TNKS1BP1: variants seen among roughly 807,000 people sequenced by gnomAD.
TNKS1BP1 encodes the protein 182 kDa tankyrase-1-binding protein.
TNKS1BP1 carries 48 observed loss-of-function variants against 141.1 expected under a neutral mutation model. That is an observed-to-expected ratio of 0.34 (90% CI 0.27 to 0.43). The LOEUF (loss-of-function observed/expected upper bound fraction) is 0.43, where lower values mean the gene tolerates loss of function less well. TNKS1BP1 is among the 20% of genes least tolerant of loss of function. The probability of loss-of-function intolerance (pLI) is 1.00; values close to 1 mark genes in which losing one functional copy is unlikely to be tolerated. For synonymous variants in TNKS1BP1, 875 were observed against 898.2 expected (o/e 0.97, Z 0.46); for missense variants, 2,149 against 2,226.0 (o/e 0.97, Z 0.70).
Position 57,313,232 on chromosome 11 carries a change from C to T in TNKS1BP1, c.1456G>A (p.Gly486Ser), listed in dbSNP as rs148796768. The T allele has an allele frequency of 4.0e-5, 64 of 1,612,730 alleles. No individual in the cohort carries two copies. Among genetic ancestry groups the T allele is most frequent in the Non-Finnish European group, 5.1e-5 (60 of 1,180,004 alleles). ...FEWTFPTRPS[G>S]LGVWRLDSPP... is the part of the protein sequence containing the mutation. Reference sequence around the variant, plus strand: ...GAGTCCAGCCGCCACACGCCCAGACCCGAGGGCCTCGTGGGGAAGGTCCAT... The same window carrying T: ...GAGTCCAGCCGCCACACGCCCAGACTCGAGGGCCTCGTGGGGAAGGTCCAT... Residue 486 changes from glycine to serine, a missense_variant, in exon 5 of 12, where the codon GGT becomes AGT. Transcript: ENST00000358252.
In TNKS1BP1 at chr11:57,302,863, G is replaced by T; in HGVS notation, c.4317-38C>A. 6.7e-7 allele frequency: 1 copy of T among 1,481,484 alleles called. No homozygotes were observed. The highest frequency in any genetic ancestry group is 8.9e-7 in the Non-Finnish European group (1 of 1,119,132). 91.8% of individuals were successfully genotyped at this position (1,481,484 alleles called of 1,614,324 possible). On this transcript the variant is annotated intron_variant, in intron 6 of 11. Coordinates refer to ENST00000358252, the MANE Select transcript of TNKS1BP1 (RefSeq NM_033396.3). This position sits in a 1 kb window ranked among gnomAD's most constrained non-coding sequence, Gnocchi z 5.5. ...CAGAGAGAGAACGAGATCATCGTAA[G>T]GCCCCATCTCCCTGCCCTGAAGCCT...
intron 6 of TNKS1BP1, among the ~76,000 whole-genome samples, chr11:57,308,058 G>T (rs1038698119): frequency 6.6e-6 from 1 of 152,166 alleles, no homozygotes; most frequent in South Asian, 2.1e-4. Flanking sequence ...CCTGGGGAAC[G>T]GCTACTGTGT....
rs1855547291 is a variant in TNKS1BP1 at position 57,302,759 on chromosome 11, T to G, written c.4383A>C (p.Ala1461=). The G allele has an allele frequency of 1.3e-6, 2 of 1,572,864 alleles. No individual in the cohort carries two copies. The highest frequency in any genetic ancestry group is 1.7e-6 in the Non-Finnish European group (2 of 1,163,768). ...GSQGLLEEML[A]ASSSKAVARR... The stretch of plus-strand genomic sequence containing the variant: ...GAGCCACCGCCTTGGAGCTGCTGGC[T>G]GCCAGCATCTCCTCCAGCAGGCCCT... Residue 1461 remains alanine, a synonymous_variant, in exon 7 of 12, where the codon GCA becomes GCC. Transcript: ENST00000358252. The surrounding 1 kb of genome is among the most constrained non-coding windows in gnomAD (Gnocchi z 5.5).
chr11:57,313,155 C>T lies in TNKS1BP1; in HGVS notation c.1533G>A (p.Glu511=), dbSNP rs773367440. ...TEASEAAEAA[E]AGNLAVSSRE... ...TGCTGGAAACGGCCAAGTTGCCAGC[C>T]TCAGCAGCCTCGGCGGCCTCACTGG... Residue 511 remains glutamate, a synonymous_variant, in exon 5 of 12, where the codon GAG becomes GAA. Transcript: ENST00000358252. The T allele has an allele frequency of 1.2e-6, 2 of 1,612,922 alleles. No individual in the cohort carries two copies. Among genetic ancestry groups the T allele is most frequent in the East Asian group, 2.2e-5 (1 of 44,872 alleles).
chr11:57,320,712 C>G lies in TNKS1BP1; in HGVS notation c.95G>C (p.Gly32Ala). The G allele has an allele frequency of 6.4e-7, 1 of 1,569,870 alleles. No homozygotes were observed. The change falls in exon 3 of 12, where the codon GGT becomes GCT. Residue 32 changes from glycine to alanine, a missense_variant and splice_region_variant. Physicochemically the swap from Gly to Ala is moderately conservative, Grantham distance 60. Coordinates refer to ENST00000358252, the MANE Select transcript of TNKS1BP1 (RefSeq NM_033396.3). ...GACAGGGGGTTTGGCCCGAGTGTCA[C>G]CTACCAAAAGGAAAGGGTTGGTGGG... ...EELVPTGSEP[G>A]DTRAKPPVKP... is the part of the protein sequence containing the mutation.
In TNKS1BP1 at chr11:57,308,723, C is replaced by T. The variant is rs752181492; in HGVS notation, c.3988G>A (p.Gly1330Ser). The T allele has an allele frequency of 1.9e-5, 31 of 1,613,586 alleles. No individual in the cohort carries two copies. In the Admixed American group the frequency reaches 4.8e-4, roughly 25 times the overall value. Residue 1330 changes from glycine to serine, a missense_variant, in exon 6 of 12, where the codon GGT becomes AGT. Coordinates refer to ENST00000358252, the MANE Select transcript of TNKS1BP1 (RefSeq NM_033396.3). ...LEVTCDPDSG[G>S]SQGLRGCGVG... Reference sequence around the variant, plus strand: ...CCACATCCCCGTAGCCCCTGAGAACCTCCAGAGTCTGGGTCACAGGTCACC... The same window carrying T: ...CCACATCCCCGTAGCCCCTGAGAACTTCCAGAGTCTGGGTCACAGGTCACC...
chr11:57,310,215 G>GC lies in TNKS1BP1; in HGVS notation c.2495dup (p.Thr833HisfsTer46). ...CATCTGCCTCCTGGCTCCGCTGAGT[G>GC]CCAAGCTGGGCTGGCTTTCCAACTA... On this transcript the variant is annotated frameshift_variant, in exon 6 of 12. Coordinates refer to ENST00000358252, the MANE Select transcript of TNKS1BP1 (RefSeq NM_033396.3). LOFTEE classifies it high-confidence loss of function. 2 of 1,614,188 alleles carry GC rather than the reference G, an allele frequency of 1.2e-6. No individual in the cohort carries two copies.
chr11:57,322,619 G>A (rs1855905574), intron 1 of TNKS1BP1, among the ~76,000 whole-genome samples: 1 of 152,220 alleles, frequency 6.6e-6, no homozygotes, highest in South Asian at 2.1e-4. Context: ...CTTGGAATTT[G>A]ATGAGGTAAA....
At position 57,302,307 on chromosome 11, in the gene TNKS1BP1, C is replaced by G; in HGVS notation, c.4684-83G>C. ...CAACAGTAGCTGACCAGGAGCTGGA[C>G]CCCTCCTGCAGCCGGAGCTTCACGT... On this transcript the variant is annotated intron_variant, in intron 7 of 11. Transcript: ENST00000358252. This position sits in a 1 kb window ranked among gnomAD's most constrained non-coding sequence, Gnocchi z 5.5. The G allele has an allele frequency of 6.5e-7, 1 of 1,548,736 alleles. No individual in the cohort carries two copies. The highest frequency in any genetic ancestry group is 8.7e-7 in the Non-Finnish European group (1 of 1,145,368).
chr11:57,300,567 G>T lies in TNKS1BP1; in HGVS notation c.5163C>A (p.Ala1721=), dbSNP rs372868746. Residue 1721 remains alanine, a synonymous_variant, in exon 11 of 12, where the codon GCC becomes GCA. Coordinates refer to ENST00000358252, the MANE Select transcript of TNKS1BP1 (RefSeq NM_033396.3). ...SEGSSPNWLQ[A]LKLKKKKV ...AGACCTTCTTCTTCTTCAGTTTCAG[G>T]GCTTGAAGCCAGTTGGGCGACGATC... The T allele has an allele frequency of 3.0e-5, 48 of 1,614,096 alleles. No individual in the cohort carries two copies. Among genetic ancestry groups the T allele is most frequent in the Non-Finnish European group, 3.8e-5 (45 of 1,180,044 alleles).
Position 57,302,291 on chromosome 11 carries a change from C to G in TNKS1BP1, c.4684-67G>C. On this transcript the variant is annotated intron_variant, in intron 7 of 11. Transcript: ENST00000358252. This position sits in a 1 kb window ranked among gnomAD's most constrained non-coding sequence, Gnocchi z 5.5. ...TCCCACGGGAGCCCCTCAACAGTAG[C>G]TGACCAGGAGCTGGACCCCTCCTGC... 5 of 1,563,368 alleles carry G rather than the reference C, an allele frequency of 3.2e-6. No individual in the cohort carries two copies. Among genetic ancestry groups the G allele is most frequent in the East Asian group, 2.3e-5 (1 of 43,048 alleles).
chr11:57,322,059 G>A, intron 1 of TNKS1BP1, 109 bp from the exon 2 acceptor site: 1 of 451,954 alleles, frequency 2.2e-6, no homozygotes, highest in East Asian at 1.0e-4. Flanking sequence ...GACAGGAAGA[G>A]AGAACTTGGA....
At chr11:57,324,555 C>T (rs1344784195) in intron 1 of TNKS1BP1, among the ~76,000 whole-genome samples, 73 of 143,212 alleles carry the variant, frequency 5.1e-4, no homozygotes, top group Non-Finnish European at 8.5e-4. Flanking sequence ...GCTCTGCCCG[C>T]CCCCGGCCCC....
At chr11:57,319,911 T>C (rs1311873253) in intron 3 of TNKS1BP1, among the ~76,000 whole-genome samples, 168 bp downstream of exon 3, 2 of 152,138 alleles carry the variant, frequency 1.3e-5, no homozygotes, top group East Asian at 3.8e-4. Context: ...TGCTGGGGAA[T>C]GATTTGTGAC....
rs1443128847 is a variant in TNKS1BP1 at position 57,320,170 on chromosome 11, C to T, written c.637G>A (p.Gly213Ser). ...GTTTAPRDED[G>S]STLFRGWSQE... ...GACCATCCCCTGAAGAGGGTGCTGCCATCCTCATCCCTGGGAGCAGTGGTC... is the reference window on the plus strand; with the variant it reads ...GACCATCCCCTGAAGAGGGTGCTGCTATCCTCATCCCTGGGAGCAGTGGTC... Residue 213 changes from glycine to serine, a missense_variant, in exon 3 of 12, where the codon GGC becomes AGC. Gly to Ser is a moderately conservative substitution (Grantham distance 56, BLOSUM62 0). Coordinates refer to ENST00000358252, the MANE Select transcript of TNKS1BP1 (RefSeq NM_033396.3). 3 of 1,614,226 alleles carry T rather than the reference C, an allele frequency of 1.9e-6. No individual in the cohort carries two copies. The highest frequency in any genetic ancestry group is 2.5e-6 in the Non-Finnish European group (3 of 1,180,044).
chr11:57,324,709 C>G (rs1855940589), intron 1 of TNKS1BP1, 131 bp downstream of exon 1: 1 of 912,562 alleles, frequency 1.1e-6, no homozygotes, highest in Non-Finnish European at 1.3e-6. Context: ...GCAAACTTTC[C>G]TGGTGACCCC....
chr11:57,321,838 C>G lies in TNKS1BP1; in HGVS notation c.48G>C (p.Leu16=). The change falls in exon 2 of 12, where the codon CTG becomes CTC. Residue 16 remains leucine (L), a synonymous_variant. Transcript: ENST00000358252. ...CCAGCTCCTCCTCCATCTCCCGGGGCAGTGGGGAAGCCATGGCTGAGCTTT... is the reference window on the plus strand; with the variant it reads ...CCAGCTCCTCCTCCATCTCCCGGGGGAGTGGGGAAGCCATGGCTGAGCTTT... The part of the protein sequence containing the change: ...LRESSAMASP[L]PREMEEELVP... 6.2e-7 allele frequency: 1 copy of G among 1,614,118 alleles called. No homozygotes were observed. Among genetic ancestry groups the G allele is most frequent in the South Asian group, 1.1e-5 (1 of 91,068 alleles).
intron 2 of TNKS1BP1, among the ~76,000 whole-genome samples, chr11:57,321,150 A>AT (rs1855879803): frequency 6.6e-6 from 1 of 152,046 alleles, no homozygotes; most frequent in East Asian, 1.9e-4. Context: ...TCTATCATCC[A>AT]TAGTAAACTT....
rs780777398 is a variant in TNKS1BP1 at position 57,308,569 on chromosome 11, T to C, written c.4142A>G (p.Asn1381Ser). The change falls in exon 6 of 12, where the codon AAT becomes AGT. Residue 1381 changes from asparagine (N) to serine (S), a missense_variant. Physicochemically the swap from Asn to Ser is conservative, Grantham distance 46. Transcript: ENST00000358252. ...SQCPEPGLRH[N>S]GSLSPGLEAR... The stretch of plus-strand genomic sequence containing the variant: ...CTCCAGGCCAGGAGACAAGCTGCCA[T>C]TGTGCCTCAGGCCGGGCTCTGGGCA... The C allele has an allele frequency of 3.1e-6, 5 of 1,614,172 alleles. No homozygotes were observed. In the South Asian group the frequency reaches 4.4e-5, roughly 14 times the overall value.
Sources: gnomAD v4.1 joint callset for allele counts (sites outside exome capture counted in the v4.1 genomes callset) on GRCh38, gnomAD v4.1.1 for gene constraint, Gnocchi (gnomAD v3.1) non-coding constraint, MANE v1.5 for transcripts, NCBI Gene and HGNC (gene_info 2026-07-23, HGNC 2026-07-21) for gene names.